USP47: variants seen among roughly 807,000 people sequenced by gnomAD.
USP47 encodes ubiquitin carboxyl-terminal hydrolase 47.
USP47 carries 35 observed loss-of-function variants against 165.1 expected under a neutral mutation model. That is an observed-to-expected ratio of 0.21 (90% confidence interval 0.16 to 0.28). USP47 has a LOEUF of 0.28. Among genes scored for constraint, USP47 ranks in the 10% least tolerant of loss-of-function variants. The probability of loss-of-function intolerance (pLI) is 1.00; values close to 1 mark genes in which losing one functional copy is unlikely to be tolerated. For missense variants in USP47, 1,277 were observed against 1,607.4 expected, an observed-to-expected ratio of 0.79 and a Z score of 3.52; for synonymous variants, 531 against 544.5, an observed-to-expected ratio of 0.98 and a Z score of 0.35.
intron 24 of USP47, chr11:11,951,921 G>C (rs189592184): frequency 2.6e-5 from 4 of 152,118 alleles, no homozygotes; most frequent in African/African-American, 9.7e-5. Context: ...CCCTTGTAAG[G>C]ATTGAGTATG....
chr11:11,906,522 A>C (rs1340529007), intron 8 of USP47, among the ~76,000 whole-genome samples: 1 of 152,100 alleles, frequency 6.6e-6, no homozygotes, highest in African/African-American at 2.4e-5. Flanking sequence ...TTATATGGCT[A>C]TTAGGAAATA....
intron 1 of USP47, among the ~76,000 whole-genome samples, chr11:11,860,957 G>A (rs779657812): frequency 6.6e-6 from 1 of 152,088 alleles, no homozygotes; most frequent in African/African-American, 2.4e-5. Context: ...GTCATCAGAA[G>A]GCCTCTGTTA....
intron 1 of USP47, among the ~76,000 whole-genome samples, chr11:11,854,356 C>T (rs2134156941): frequency 6.8e-6 from 1 of 147,134 alleles, no homozygotes; most frequent in African/African-American, 2.4e-5. Flanking sequence ...TCCCTAGGTT[C>T]AAATACCAGC....
At chr11:11,854,134 CAAA>C (rs539855427) in intron 1 of USP47, among the ~76,000 whole-genome samples, 2 of 59,162 alleles carry the variant, frequency 3.4e-5, no homozygotes, top group Admixed American at 2.1e-4. Context: ...GACTCCGTCT[CAAA>C]AAAAAAAAAA....
chr11:11,855,327 T>C (rs1408535802), intron 1 of USP47, among the ~76,000 whole-genome samples: 1 of 152,218 alleles, frequency 6.6e-6, no homozygotes, highest in African/African-American at 2.4e-5. Flanking sequence ...TTGATGTGTT[T>C]GATAATTTTG....
At chr11:11,879,191 A>G (rs1850671639) in intron 1 of USP47, among the ~76,000 whole-genome samples, 1 of 152,202 alleles carries the variant, frequency 6.6e-6, no homozygotes, top group African/African-American at 2.4e-5. Context: ...GTTGTAGGAT[A>G]TTCTTATTGC....
At chr11:11,942,313 A>T (rs765511148) in intron 19 of USP47, 22 bp from the exon 20 acceptor site, 27 of 1,543,880 alleles carry the variant, frequency 1.7e-5, no homozygotes, top group Non-Finnish European at 2.3e-5. Flanking sequence ...AATATATAAT[A>T]AAACTCTGAC....
chr11:11,953,054 T>A (rs974892971), intron 25 of USP47, among the ~76,000 whole-genome samples, 183 bp downstream of exon 25: 1 of 152,204 alleles, frequency 6.6e-6, no homozygotes, highest in Non-Finnish European at 1.5e-5. Flanking sequence ...TGTGGCACAC[T>A]CTGGTTGTTC....
chr11:11,914,766 G>C (rs893890329), intron 8 of USP47, among the ~76,000 whole-genome samples: 8 of 152,092 alleles, frequency 5.3e-5, no homozygotes, highest in African/African-American at 1.9e-4. Flanking sequence ...ACTCAACATT[G>C]CTGGCTATTA....
At chr11:11,880,569 T>C (rs976814046) in intron 2 of USP47, among the ~76,000 whole-genome samples, 189 bp downstream of exon 2, 2 of 152,178 alleles carry the variant, frequency 1.3e-5, no homozygotes, top group Non-Finnish European at 2.9e-5. Flanking sequence ...ATTTAACATT[T>C]GCTCGTCCTA....
At chr11:11,894,345 A>T (rs769293183) in intron 4 of USP47, among the ~76,000 whole-genome samples, 1 of 151,986 alleles carries the variant, frequency 6.6e-6, no homozygotes, top group Non-Finnish European at 1.5e-5. Flanking sequence ...AATCCCAGCT[A>T]CTCGGGAGGC....
In USP47 at chr11:11,878,879, A is replaced by G. The variant is rs189530025; in HGVS notation, c.40-1298A>G. ...GGCTATCCCATCTTCAGTACTAGCCAATTATAATTATTCTTATTTAAAAAT... is the reference window on the plus strand; with the variant it reads ...GGCTATCCCATCTTCAGTACTAGCCGATTATAATTATTCTTATTTAAAAAT... On this transcript the variant is annotated intron_variant, in intron 1 of 27. Transcript: ENST00000527733. Among the ~76,000 whole-genome samples the G allele has an allele frequency of 4.7e-4, 72 of 152,332 alleles. No individual in the cohort carries two copies. In the East Asian group the frequency reaches 0.013, roughly 29 times the overall value.
At chr11:11,905,318 C>T in intron 7 of USP47, 81 bp from the exon 8 acceptor site, 1 of 1,001,676 alleles carries the variant, frequency 1.0e-6, no homozygotes, top group Non-Finnish European at 1.3e-6. Flanking sequence ...TTTTGTAAAC[C>T]ATTCTAAAAA....
chr11:11,924,132 C>T (rs1018563034), intron 11 of USP47, among the ~76,000 whole-genome samples: 3 of 152,168 alleles, frequency 2.0e-5, no homozygotes, highest in Non-Finnish European at 4.4e-5. Context: ...GTGATGTTGA[C>T]TTTCAGTTTT....
Position 11,959,891 on chromosome 11 carries a change from C to T in USP47, c.*3716C>T, listed in dbSNP as rs1392048114. Among the ~76,000 whole-genome samples, 1 of 152,172 alleles carries T rather than the reference C, an allele frequency of 6.6e-6. No homozygotes were observed. Among genetic ancestry groups the T allele is most frequent in the Non-Finnish European group, 1.5e-5 (1 of 68,042 alleles). ...CACAGGTGGGCACCAAGCTCCCCTT[C>T]CCTCTGCTTTCCATGTTTCCCACCT... is the stretch of plus-strand genomic sequence containing the variant. On this transcript the variant is annotated 3_prime_UTR_variant, in exon 28 of 28. Coordinates refer to ENST00000527733, the MANE Select transcript of USP47 (RefSeq NM_001282659.2).
chr11:11,842,146 C>A lies in USP47; in HGVS notation c.-40C>A. ...CTAGCGAGCCGCCGCCACCCTCCAC[C>A]CTCCCCCGGCAGGGCGGAGAGGAGC... is the stretch of plus-strand genomic sequence containing the variant. On this transcript the variant is annotated 5_prime_UTR_variant, in exon 1 of 28. Transcript: ENST00000527733. 1 of 1,550,396 alleles carries A rather than the reference C, an allele frequency of 6.4e-7. No individual in the cohort carries two copies. Among genetic ancestry groups the A allele is most frequent in the Admixed American group, 2.0e-5 (1 of 50,850 alleles).
intron 3 of USP47, among the ~76,000 whole-genome samples, chr11:11,887,274 A>G (rs927901101): frequency 6.6e-6 from 1 of 152,188 alleles, no homozygotes; most frequent in Admixed American, 6.5e-5. Flanking sequence ...ATTAAAAGGC[A>G]CAGAATGGCA....
chr11:11,942,797 T>A lies in USP47; in HGVS notation c.2776T>A (p.Ser926Thr). The change falls in exon 20 of 28, where the codon TCA becomes ACA. Residue 926 changes from serine (S) to threonine (T), a missense_variant. By Grantham distance (58) the Ser-to-Thr change is moderately conservative. Coordinates refer to ENST00000527733, the MANE Select transcript of USP47 (RefSeq NM_001282659.2). ...ENFQSEERSD[S>T]DVNNDRSTSS... ...TTTTCAGTCTGAAGAACGATCAGAC[T>A]CAGATGTGAATAATGACAGGAGTAC... The A allele has an allele frequency of 6.2e-7, 1 of 1,613,660 alleles. No homozygotes were observed. The highest frequency in any genetic ancestry group is 8.5e-7 in the Non-Finnish European group (1 of 1,179,756).
intron 5 of USP47, among the ~76,000 whole-genome samples, chr11:11,901,251 A>AT (rs1301788277): frequency 1.3e-5 from 2 of 152,332 alleles, no homozygotes; most frequent in Admixed American, 6.5e-5. Context: ...GAAAAGAAAA[A>AT]GTCTTTTAGT....
Sources: gnomAD v4.1 joint callset for allele counts (sites outside exome capture counted in the v4.1 genomes callset) on GRCh38, gnomAD v4.1.1 for gene constraint, MANE v1.5 for transcripts, NCBI Gene and HGNC (gene_info 2026-07-23, HGNC 2026-07-21) for gene names.